IFT88: variants seen among roughly 807,000 people sequenced by gnomAD.
The protein encoded by IFT88 is intraflagellar transport protein 88 homolog.
In IFT88, 74 loss-of-function variants were observed where a neutral mutation model predicts 119.5. That is an observed-to-expected ratio of 0.62 (90% CI 0.51 to 0.75). The LOEUF (loss-of-function observed/expected upper bound fraction) is 0.75. IFT88 is among the 30% of genes least tolerant of loss of function. The probability of loss-of-function intolerance (pLI) is 0.00; values close to 1 mark genes in which losing one functional copy is unlikely to be tolerated. For synonymous variants in IFT88, 279 were observed against 316.7 expected (o/e 0.88, Z 1.26); for missense variants, 961 against 977.7 (o/e 0.98, Z 0.23).
At chr13:20,621,526 T>TAAAAAAAAAAAAAAAAAAAAAAAAA (rs200491393) in intron 14 of IFT88, among the ~76,000 whole-genome samples, 1 of 130,746 alleles carries the variant, frequency 7.6e-6, no homozygotes, top group Admixed American at 7.4e-5. Flanking sequence ...CCTGCTGAGA[T>TAAAAAAAAAAAAAAAAAAAAAAAAA]AAAAAAAAAA....
At chr13:20,567,950 C>A in intron 1 of IFT88, 1 of 702,244 alleles carries the variant, frequency 1.4e-6, no homozygotes, top group Non-Finnish European at 2.6e-6. Context: ...TGGGCCACAT[C>A]GGAAGAAGAA....
At chr13:20,632,142 A>G (rs78280317) in intron 16 of IFT88, 3 of 146,958 alleles carry the variant, frequency 2.0e-5, no homozygotes, top group Non-Finnish European at 4.5e-5. Flanking sequence ...TTGTCTCCAA[A>G]AAAAAAAAAA....
intron 16 of IFT88, among the ~76,000 whole-genome samples, chr13:20,633,969 G>A (rs1003296994): frequency 2.0e-5 from 3 of 152,130 alleles, no homozygotes; most frequent in Admixed American, 6.5e-5. Flanking sequence ...GGGCTTGCCT[G>A]GCCTTACTCA....
At chr13:20,660,022 A>G (rs1394868758) in intron 22 of IFT88, among the ~76,000 whole-genome samples, 1 of 152,208 alleles carries the variant, frequency 6.6e-6, no homozygotes, top group East Asian at 1.9e-4. Flanking sequence ...ACGTTGTTCT[A>G]GCACTGTGGA....
At chr13:20,686,642 G>T (rs1030293285) in intron 24 of IFT88, among the ~76,000 whole-genome samples, 2 of 106,888 alleles carry the variant, frequency 1.9e-5, no homozygotes, top group Admixed American at 1.7e-4. Context: ...ATTTAAATAT[G>T]ATAAAAATCT....
intron 2 of IFT88, among the ~76,000 whole-genome samples, chr13:20,580,986 A>G (rs1403126878): frequency 6.6e-6 from 1 of 151,878 alleles, no homozygotes; most frequent in Non-Finnish European, 1.5e-5. Context: ...CAGCCTCCCA[A>G]AGTTCTGGGA....
chr13:20,601,714 A>G lies in IFT88; in HGVS notation c.822A>G (p.Ile274Met). ...PSVNKQMRIKIMQNIGVTFIQ... is the reference protein window; with the variant it reads ...PSVNKQMRIKMMQNIGVTFIQ... The stretch of plus-strand genomic sequence containing the variant: ...TGTCTTTTTCTTTTAGGATTAAAAT[A>G]ATGCAGAATATTGGAGTTACATTTA... The change falls in exon 12 of 26, where the codon ATA (isoleucine) becomes ATG (methionine). Residue 274 changes from isoleucine to methionine, a missense_variant. By Grantham distance (10) the Ile-to-Met change is conservative. Transcript: ENST00000351808. The G allele has an allele frequency of 6.3e-7, 1 of 1,595,752 alleles. No homozygotes were observed. The highest frequency in any genetic ancestry group is 1.7e-4 in the Middle Eastern group (1 of 6,014).
At chr13:20,662,764 GT>G (rs776611204) in intron 22 of IFT88, among the ~76,000 whole-genome samples, 5 of 152,198 alleles carry the variant, frequency 3.3e-5, no homozygotes, top group Non-Finnish European at 7.3e-5. Context: ...TCTATTGCAT[GT>G]TTTTAAAATG....
At chr13:20,684,865 C>A (rs182246946) in intron 24 of IFT88, among the ~76,000 whole-genome samples, 1 of 152,196 alleles carries the variant, frequency 6.6e-6, no homozygotes, top group Non-Finnish European at 1.5e-5. Flanking sequence ...CGCTTCGGGG[C>A]GACCCTTCGA....
chr13:20,625,837 A>T lies in IFT88; in HGVS notation c.1287A>T (p.Lys429Asn). ...INKAVTYLRQ[K>N]DYNQAVEILK... ...AAGCAGTTACATACTTGAGACAAAA[A>T]GACTATAACCAAGTAAGTTTTAAAA... is the stretch of plus-strand genomic sequence containing the variant. The change falls in exon 15 of 26, where the codon AAA (lysine) becomes AAT (asparagine). Residue 429 changes from lysine (K) to asparagine (N), a missense_variant. By Grantham distance (94) the Lys-to-Asn change is moderately conservative. Transcript: ENST00000351808. 1.3e-6 allele frequency: 2 copies of T among 1,586,724 alleles called. No individual in the cohort carries two copies. The highest frequency in any genetic ancestry group is 1.7e-6 in the Non-Finnish European group (2 of 1,169,982).
chr13:20,656,270 A>G (rs1413817532), intron 21 of IFT88, 95 bp from the exon 22 acceptor site: 1 of 461,066 alleles, frequency 2.2e-6, no homozygotes, highest in South Asian at 5.9e-5. Context: ...CTATTAAACC[A>G]TTAAATAGCC....
Position 20,603,528 on chromosome 13 carries a change from T to C in IFT88, c.1042-1507T>C, listed in dbSNP as rs192127053. ...ATATATGTAATGGGATTAACTATTA[T>C]AACCTATCTTACAGGGTTAAGGTGA... On this transcript the variant is annotated intron_variant, in intron 12 of 25. Coordinates refer to ENST00000351808, the MANE Select transcript of IFT88 (RefSeq NM_006531.5). Among the ~76,000 whole-genome samples, 81 of 152,328 alleles carry C rather than the reference T, an allele frequency of 5.3e-4. 1 individual carries two copies. Among genetic ancestry groups the C allele is most frequent in the African/African-American group, 1.8e-3 (76 of 41,574 alleles).
In IFT88 at chr13:20,597,124, G is replaced by GT; in HGVS notation, c.594+6dup. On this transcript the variant is annotated splice_donor_region_variant and intron_variant, in intron 9 of 25. Coordinates refer to ENST00000351808, the MANE Select transcript of IFT88 (RefSeq NM_006531.5). ...AATTTGGATTTAACTTACTCAGTAA[G>GT]TATTGAAATATAACACAATTTTTAA... 3.3e-6 allele frequency: 5 copies of GT among 1,501,972 alleles called. No homozygotes were observed. The highest frequency in any genetic ancestry group is 1.4e-5 in the African/African-American group (1 of 71,644). The allele number at this position is 1,501,972 out of a possible 1,614,324, so 93.0% of individuals were successfully genotyped here.
chr13:20,615,110 C>T (rs970176795), intron 13 of IFT88, among the ~76,000 whole-genome samples: 6 of 152,102 alleles, frequency 3.9e-5, no homozygotes, highest in South Asian at 2.1e-4. Context: ...CCACTGCGCC[C>T]GTCCTGGAAA....
intron 24 of IFT88, among the ~76,000 whole-genome samples, chr13:20,673,120 C>T (rs761485287): frequency 5.9e-5 from 9 of 152,148 alleles, no homozygotes; most frequent in South Asian, 2.1e-4. Flanking sequence ...ATTCTAGGGC[C>T]GGATTCACCA....
intron 20 of IFT88, among the ~76,000 whole-genome samples, chr13:20,646,995 T>G (rs1172061844): frequency 1.3e-5 from 2 of 152,186 alleles, no homozygotes; most frequent in East Asian, 3.8e-4. Context: ...CCAGGTGAAT[T>G]GATGCTACAC....
At chr13:20,578,291 C>T (rs1246575687) in intron 2 of IFT88, among the ~76,000 whole-genome samples, 1 of 151,074 alleles carries the variant, frequency 6.6e-6, no homozygotes, top group Non-Finnish European at 1.5e-5. Flanking sequence ...TCATGATCAG[C>T]CCGCCTCGGC....
intron 21 of IFT88, 72 bp downstream of exon 21, chr13:20,654,000 G>T: frequency 1.3e-6 from 1 of 787,146 alleles, no homozygotes; most frequent in African/African-American, 1.8e-5. Flanking sequence ...GCATATAAAT[G>T]TGATCCAGTT....
chr13:20,580,724 C>CTTT (rs1162699940), intron 2 of IFT88, among the ~76,000 whole-genome samples: 11 of 122,730 alleles, frequency 9.0e-5, no homozygotes, highest in East Asian at 2.2e-4. Flanking sequence ...TTTCTTTTTT[C>CTTT]TTTTTTTTTT....
Sources: gnomAD v4.1 joint callset for allele counts (sites outside exome capture counted in the v4.1 genomes callset) on GRCh38, gnomAD v4.1.1 for gene constraint, MANE v1.5 for transcripts, NCBI Gene and HGNC (gene_info 2026-07-23, HGNC 2026-07-21) for gene names.